The following RAD17 variants were observed in gnomAD, a reference collection of about 807,000 sequenced individuals.
RAD17 encodes the protein cell cycle checkpoint protein RAD17.
Under a neutral mutation model 81.5 loss-of-function variants are expected in RAD17, and 31 were observed. The ratio of observed to expected loss-of-function variants is 0.38; its 90% CI spans 0.29 to 0.51. The LOEUF (loss-of-function observed/expected upper bound fraction) is 0.51. Among genes scored for constraint, RAD17 ranks in the 20% least tolerant of loss-of-function variants. The pLI, the probability that RAD17 is intolerant of heterozygous loss-of-function variation, is 0.88. For missense variants in RAD17, 681 were observed against 781.2 expected (o/e 0.87, Z 1.53); for synonymous variants, 261 against 266.2 (o/e 0.98, Z 0.19).
intron 11 of RAD17, among the ~76,000 whole-genome samples, chr5:69,388,752 G>A (rs989041286): frequency 1.3e-5 from 2 of 151,778 alleles, no homozygotes; most frequent in Non-Finnish European, 2.9e-5. Flanking sequence ...GACTACAGGC[G>A]CATGCCACCA....
rs78621612 is a variant in RAD17 at position 69,379,316 on chromosome 5, C to T, written c.352-2585C>T. ...AGTATACATTTATATAGGGAACTTA[C>T]CATGAATGGAGCTTGGACTGGAAAA... On this transcript the variant is annotated intron_variant, in intron 6 of 18. Transcript: ENST00000354868. Among the ~76,000 whole-genome samples the T allele has an allele frequency of 5.7e-3, 861 of 152,190 alleles. 49 individuals carry two copies. The East Asian group carries it at 0.14, about 24-fold the overall frequency.
intron 7 of RAD17, among the ~76,000 whole-genome samples, chr5:69,382,447 A>AAAAT (rs1474967644): frequency 6.6e-6 from 1 of 152,228 alleles, no homozygotes; most frequent in Non-Finnish European, 1.5e-5. Context: ...ATTGTCTCAA[A>AAAAT]AAATAAATAA....
intron 3 of RAD17, 137 bp downstream of exon 3, chr5:69,371,694 TG>T (rs2150759892): frequency 2.1e-6 from 1 of 474,112 alleles, no homozygotes; most frequent in African/African-American, 2.0e-5. Flanking sequence ...TAAGCAAGTC[TG>T]GTAATAAGTT....
chr5:69,374,625 T>C lies in RAD17; in HGVS notation c.268-3T>C. 6.3e-7 allele frequency: 1 copy of C among 1,597,900 alleles called. No individual in the cohort carries two copies. The highest frequency in any genetic ancestry group is 2.2e-5 in the East Asian group (1 of 44,672). On this transcript the variant is annotated splice_polypyrimidine_tract_variant and splice_region_variant and intron_variant, in intron 5 of 18. Transcript: ENST00000354868. Reference sequence around the variant, plus strand: ...TGTTTTAAATTTGAAATTTTTGTTGTAGCATGAACTTGCTGTGCATAAAAA... The same window carrying C: ...TGTTTTAAATTTGAAATTTTTGTTGCAGCATGAACTTGCTGTGCATAAAAA...
chr5:69,410,961 CTGTCTA>C (rs200852921), intron 18 of RAD17, among the ~76,000 whole-genome samples: 594 of 23,384 alleles, frequency 0.025, 22 homozygotes, highest in African/African-American at 0.081. Context: ...AAATAGATGT[CTGTCTA>C]TATATATATA....
At chr5:69,408,445 C>T (rs764921917) in intron 17 of RAD17, among the ~76,000 whole-genome samples, 3 of 151,422 alleles carry the variant, frequency 2.0e-5, no homozygotes, top group Non-Finnish European at 2.9e-5. Context: ...TGTCTCTTTC[C>T]CTGATATGTC....
At chr5:69,406,305 G>A (rs1383141567) in intron 17 of RAD17, among the ~76,000 whole-genome samples, 1 of 152,104 alleles carries the variant, frequency 6.6e-6, no homozygotes. Flanking sequence ...GACAAATATT[G>A]CATATTCTCA....
At chr5:69,387,982 A>T (rs974933616) in intron 11 of RAD17, among the ~76,000 whole-genome samples, 4 of 152,188 alleles carry the variant, frequency 2.6e-5, no homozygotes, top group Non-Finnish European at 1.5e-5. Flanking sequence ...TCTAGATGAA[A>T]TGACTGTAGT....
At position 69,394,316 on chromosome 5, in the gene RAD17, CCT is replaced by C. The variant is rs17236457; in HGVS notation, c.1422+820_1422+821del. Among the ~76,000 whole-genome samples the C allele has an allele frequency of 6.0e-5, 9 of 150,560 alleles. No homozygotes were observed. The East Asian group carries it at 9.9e-4, about 17-fold the overall frequency. On this transcript the variant is annotated intron_variant, in intron 15 of 18. Coordinates refer to ENST00000354868, the MANE Select transcript of RAD17 (RefSeq NM_133338.3). Reference sequence around the variant, plus strand: ...AGCTCAAGCGATCTGCCTGCCCTGGCCTCTCAAAAGTGCTGGGATTACAGGAG... The same window carrying C: ...AGCTCAAGCGATCTGCCTGCCCTGGCCTCAAAAGTGCTGGGATTACAGGAG...
intron 16 of RAD17, among the ~76,000 whole-genome samples, chr5:69,396,990 G>A (rs1176972696): frequency 2.0e-5 from 3 of 151,866 alleles, no homozygotes; most frequent in Non-Finnish European, 4.4e-5. Flanking sequence ...CAGCCACCAC[G>A]CCTGGCTAAT....
intron 1 of RAD17, chr5:69,370,685 C>A (rs1762904104): frequency 6.5e-6 from 1 of 152,918 alleles, no homozygotes; most frequent in Non-Finnish European, 1.5e-5. Context: ...TATATTTACT[C>A]AAATAGGTGT....
intron 16 of RAD17, among the ~76,000 whole-genome samples, 175 bp from the exon 17 acceptor site, chr5:69,399,873 TA>T (rs1012706643): frequency 1.3e-4 from 20 of 152,080 alleles, no homozygotes; most frequent in Non-Finnish European, 2.5e-4. Flanking sequence ...TAAACGATGC[TA>T]AAAAAACTAT....
intron 6 of RAD17, 79 bp downstream of exon 6, chr5:69,374,790 T>G (rs577566633): frequency 5.5e-5 from 67 of 1,218,318 alleles, no homozygotes; most frequent in Non-Finnish European, 6.5e-5. Flanking sequence ...AGTTAAAGTT[T>G]TATGATGATT....
chr5:69,392,459 C>T (rs1250076127), intron 13 of RAD17, among the ~76,000 whole-genome samples: 1 of 152,158 alleles, frequency 6.6e-6, no homozygotes, highest in Non-Finnish European at 1.5e-5. Context: ...ATCGCCTTTT[C>T]TGTCTTTTTT....
At chr5:69,375,723 G>A (rs1763292675) in intron 6 of RAD17, among the ~76,000 whole-genome samples, 1 of 151,940 alleles carries the variant, frequency 6.6e-6, no homozygotes, top group Non-Finnish European at 1.5e-5. Flanking sequence ...GTCTAATGAT[G>A]AATTCATATT....
intron 11 of RAD17, among the ~76,000 whole-genome samples, chr5:69,387,138 T>C (rs1764263659): frequency 1.3e-5 from 2 of 152,096 alleles, no homozygotes; most frequent in South Asian, 4.1e-4. Flanking sequence ...TTGCCCAGGC[T>C]GGTCTCGAAT....
In RAD17 at chr5:69,386,088, G is replaced by A. The variant is rs145440657; in HGVS notation, c.691G>A (p.Val231Ile). 4.1e-5 allele frequency: 65 copies of A among 1,602,718 alleles called. 1 individual carries two copies. The East Asian group carries it at 4.9e-4, about 12-fold the overall frequency. Residue 231 changes from valine to isoleucine, a missense_variant, in exon 9 of 19, where the codon GTT (valine) becomes ATT (isoleucine). Physicochemically the swap from Val to Ile is conservative, Grantham distance 29 (BLOSUM62 3). Transcript: ENST00000354868. ...FYRDSHTLHEVLRKYVRIGRC... is the reference protein window; with the variant it reads ...FYRDSHTLHEILRKYVRIGRC... ...TCGGGATTCTCATACTTTACATGAAGTTCTAAGGTAGGTTTCAGTGAAGTA... is the reference window on the plus strand; with the variant it reads ...TCGGGATTCTCATACTTTACATGAAATTCTAAGGTAGGTTTCAGTGAAGTA...
intron 6 of RAD17, among the ~76,000 whole-genome samples, chr5:69,378,841 A>G (rs1417499910): frequency 6.6e-6 from 1 of 152,194 alleles, no homozygotes; most frequent in African/African-American, 2.4e-5. Context: ...TCTTGCTCCT[A>G]TGCTACAAAC....
At chr5:69,387,604 TCTTAACA>T (rs1764293045) in intron 11 of RAD17, among the ~76,000 whole-genome samples, 2 of 152,306 alleles carry the variant, frequency 1.3e-5, no homozygotes, top group South Asian at 4.1e-4. Flanking sequence ...ACGCCTGTAA[TCTTAACA>T]CTTTGGGAGG....
Sources: allele counts gnomAD v4.1 joint callset (sites outside exome capture counted in the v4.1 genomes callset), GRCh38; gene constraint gnomAD v4.1.1; transcripts MANE v1.5; gene names NCBI Gene and HGNC (gene_info 2026-07-23, HGNC 2026-07-21).